Variants in PRRC2B observed in about 807,000 individuals in gnomAD.
The protein encoded by PRRC2B is protein PRRC2B.
Under a neutral mutation model 242.3 loss-of-function variants are expected in PRRC2B, and 68 were observed. The ratio of observed to expected loss-of-function variants is 0.28; its 90% confidence interval spans 0.23 to 0.34. The LOEUF (loss-of-function observed/expected upper bound fraction) is 0.34, where lower values mean the gene tolerates loss of function less well. Among genes scored for constraint, PRRC2B ranks in the 10% least tolerant of loss-of-function variants. The pLI is 1.00. For synonymous variants in PRRC2B, 1,228 were observed against 1,173.6 expected (o/e 1.05, Z -0.95); for missense variants, 2,835 against 2,954.8 (o/e 0.96, Z 0.94).
intron 1 of PRRC2B, among the ~76,000 whole-genome samples, chr9:131,423,354 C>G (rs1252394025): frequency 1.3e-5 from 2 of 152,198 alleles, no homozygotes; most frequent in African/African-American, 4.8e-5. Context: ...TTCTCCCTGC[C>G]TCCGGATAGG....
chr9:131,468,857 G>C (rs1005013627), intron 13 of PRRC2B, among the ~76,000 whole-genome samples: 1 of 152,124 alleles, frequency 6.6e-6, no homozygotes. Context: ...AGCCTTCCAG[G>C]GACCGCCTTT....
At chr9:131,495,497 C>T (rs540170715) in intron 31 of PRRC2B, among the ~76,000 whole-genome samples, 3 of 152,196 alleles carry the variant, frequency 2.0e-5, no homozygotes, top group African/African-American at 7.2e-5. Flanking sequence ...GTGGAGGACC[C>T]GGTGTCTTCC....
Position 131,464,815 on chromosome 9 carries a change from A to G in PRRC2B, c.1457A>G (p.Asp486Gly), listed in dbSNP as rs780639174. The G allele has an allele frequency of 6.2e-7, 1 of 1,613,024 alleles. No homozygotes were observed. Among genetic ancestry groups the G allele is most frequent in the Non-Finnish European group, 8.5e-7 (1 of 1,179,294 alleles). Reference sequence around the variant, plus strand: ...CAACAGTCCATCGAGGACAAGGAGGACAAGCCCCCACCAAGGCAGAAGTTC... The same window carrying G: ...CAACAGTCCATCGAGGACAAGGAGGGCAAGCCCCCACCAAGGCAGAAGTTC... ...FRQQSIEDKE[D>G]KPPPRQKFIQ... is the part of the protein sequence containing the mutation. Residue 486 changes from aspartate to glycine, a missense_variant, in exon 12 of 32, where the codon GAC becomes GGC. Asp to Gly is a moderately conservative substitution (Grantham distance 94). Transcript: ENST00000683519.
chr9:131,482,120 A>G lies in PRRC2B; in HGVS notation c.4984-251A>G, dbSNP rs554435425. On this transcript the variant is annotated intron_variant, in intron 20 of 31. Transcript: ENST00000683519. The surrounding 1 kb of genome is among the most constrained non-coding windows in gnomAD (Gnocchi z 5.2). ...GCCACGTAGTCTGGTTTGGGTCACA[A>G]GTGAGATGGGTTTGGCAGCCTCGGT... is the stretch of plus-strand genomic sequence containing the variant. 1.3e-5 allele frequency among the ~76,000 whole-genome samples: 2 copies of G among 152,282 alleles called. No homozygotes were observed. The highest frequency in any genetic ancestry group is 6.5e-5 in the Admixed American group (1 of 15,298).
At chr9:131,413,445 C>G (rs778624276) in intron 1 of PRRC2B, among the ~76,000 whole-genome samples, 9 of 152,164 alleles carry the variant, frequency 5.9e-5, no homozygotes, top group Non-Finnish European at 1.2e-4. Context: ...TAAAAATGGC[C>G]TTGCTGAGGA....
intron 1 of PRRC2B, among the ~76,000 whole-genome samples, chr9:131,420,503 T>TCTTTTCTTTTCTTTTCTTTTC (rs1465337298): frequency 1.1e-5 from 1 of 93,814 alleles, no homozygotes; most frequent in Non-Finnish European, 2.2e-5. Context: ...CTTTTTTTTT[T>TCTTTTCTTTTCTTTTCTTTTC]TTTTTTTGAG....
chr9:131,439,065 AGT>A lies in PRRC2B; in HGVS notation c.469+6_469+7del. On this transcript the variant is annotated splice_donor_5th_base_variant and intron_variant, in intron 5 of 31. Transcript: ENST00000683519. The stretch of plus-strand genomic sequence containing the variant: ...AAGCCAGTAGGACACGAAGGTGGTA[AGT>A]GCGCACGTGTGTGTGTTGTTTGGGG... 1 of 1,611,992 alleles carries A rather than the reference AGT, an allele frequency of 6.2e-7. No individual in the cohort carries two copies. The highest frequency in any genetic ancestry group is 1.1e-5 in the South Asian group (1 of 90,958).
intron 1 of PRRC2B, among the ~76,000 whole-genome samples, chr9:131,406,833 G>A (rs757594308): frequency 6.6e-6 from 1 of 151,810 alleles, no homozygotes; most frequent in Non-Finnish European, 1.5e-5. Flanking sequence ...CAAACATCAA[G>A]CTCCAGAAGT....
At chr9:131,438,298 G>A (rs1251831650) in intron 4 of PRRC2B, among the ~76,000 whole-genome samples, 1 of 152,168 alleles carries the variant, frequency 6.6e-6, no homozygotes, top group Non-Finnish European at 1.5e-5. Context: ...GACTGGTCCT[G>A]GTCCTGCTGT....
intron 1 of PRRC2B, among the ~76,000 whole-genome samples, chr9:131,406,895 A>G (rs1400497483): frequency 6.6e-6 from 1 of 152,210 alleles, no homozygotes. Flanking sequence ...TTTCTTTATA[A>G]TATCAAGAGA....
At chr9:131,438,316 C>CT (rs1838440967) in intron 4 of PRRC2B, among the ~76,000 whole-genome samples, 3 of 152,156 alleles carry the variant, frequency 2.0e-5, no homozygotes, top group Admixed American at 2.0e-4. Flanking sequence ...TGTTCTGCAT[C>CT]TGACTCAGTC....
Position 131,487,019 on chromosome 9 carries a change from C to T in PRRC2B, c.5857-148C>T, listed in dbSNP as rs1944042710. On this transcript the variant is annotated intron_variant, in intron 26 of 31. Coordinates refer to ENST00000683519, the MANE Select transcript of PRRC2B (RefSeq NM_013318.4). This position sits in a 1 kb window ranked among gnomAD's most constrained non-coding sequence, Gnocchi z 5.3. ...TTCATTATAGGCTTTATCCCAATAG[C>T]AAGGGAAGCCCAGGAATGACATGCT... 2 of 689,386 alleles carry T rather than the reference C, an allele frequency of 2.9e-6. No homozygotes were observed. The highest frequency in any genetic ancestry group is 3.3e-5 in the South Asian group (2 of 59,780). The allele number at this position is 689,386 out of a possible 1,614,324, so 42.7% of individuals were successfully genotyped here.
In PRRC2B at chr9:131,480,035, G is replaced by A. The variant is rs553257991; in HGVS notation, c.4900+642G>A. 2.0e-5 allele frequency among the ~76,000 whole-genome samples: 3 copies of A among 152,200 alleles called. No homozygotes were observed. In the South Asian group the frequency reaches 6.2e-4, roughly 32 times the overall value. ...AGGTTTAGGTGAGGCAGGGCCCTGC[G>A]CTGTTAGCCCAGAGCATGCATAGAT... is the stretch of plus-strand genomic sequence containing the variant. On this transcript the variant is annotated intron_variant, in intron 19 of 31. Coordinates refer to ENST00000683519, the MANE Select transcript of PRRC2B (RefSeq NM_013318.4).
At chr9:131,383,030 G>A (rs1055993289) in intron 1 of PRRC2B, among the ~76,000 whole-genome samples, 10 of 152,020 alleles carry the variant, frequency 6.6e-5, no homozygotes, top group East Asian at 1.9e-4. Context: ...ATGTCCTCCC[G>A]GTGCTCAGAC....
chr9:131,491,594 A>G lies in PRRC2B; in HGVS notation c.6381+14A>G. On this transcript the variant is annotated intron_variant, in intron 29 of 31. Transcript: ENST00000683519. Reference sequence around the variant, plus strand: ...ACCAGCAGAGAGGTAAGGGGACCCCATCTGCCTCTGACCCTAGGGAGGGGG... The same window carrying G: ...ACCAGCAGAGAGGTAAGGGGACCCCGTCTGCCTCTGACCCTAGGGAGGGGG... The G allele has an allele frequency of 6.2e-7, 1 of 1,602,202 alleles. No individual in the cohort carries two copies. Among genetic ancestry groups the G allele is most frequent in the Non-Finnish European group, 8.5e-7 (1 of 1,174,562 alleles).
At chr9:131,409,882 G>A (rs1228637782) in intron 1 of PRRC2B, among the ~76,000 whole-genome samples, 1 of 152,224 alleles carries the variant, frequency 6.6e-6, no homozygotes. Context: ...TACTAAATCA[G>A]ATTGTACAAT....
At chr9:131,478,649 G>GGGGGGGGGGCCCCAGGGCC in intron 18 of PRRC2B, 30 bp downstream of exon 18, 2 of 504,550 alleles carry the variant, frequency 4.0e-6, no homozygotes, top group East Asian at 5.1e-5. Flanking sequence ...GGGGCATGGG[G>GGGGGGGGGGCCCCAGGGCC]CTGGAGGGCA....
intron 9 of PRRC2B, 45 bp downstream of exon 9, chr9:131,447,849 C>A: frequency 6.3e-7 from 1 of 1,578,110 alleles, no homozygotes; most frequent in South Asian, 1.1e-5. Context: ...GGACCAAAGT[C>A]CATATGTACT....
In PRRC2B at chr9:131,467,685, G is replaced by A. The variant is rs746430327; in HGVS notation, c.1843G>A (p.Ala615Thr). The A allele has an allele frequency of 3.7e-6, 6 of 1,613,884 alleles. No homozygotes were observed. In the East Asian group the frequency reaches 1.3e-4, roughly 36 times the overall value. ...AGAGGCCAGAGAGGCTGGGTCCCCT[G>A]CACAGGAGTTCAAGTATCAGAAGTC... is the stretch of plus-strand genomic sequence containing the variant. ...EEEAREAGSP[A>T]QEFKYQKSLP... Residue 615 changes from alanine (A) to threonine (T), a missense_variant, in exon 13 of 32, where the codon GCA (alanine) becomes ACA (threonine). Around this residue, in one of 7 missense-constraint regions of PRRC2B, gnomAD observed 1,536 missense variants for 1,483.1 expected, o/e 1.04. Coordinates refer to ENST00000683519, the MANE Select transcript of PRRC2B (RefSeq NM_013318.4).
Sources: gnomAD v4.1 joint callset for allele counts (sites outside exome capture counted in the v4.1 genomes callset) on GRCh38, gnomAD v4.1.1 for gene constraint, gnomAD v4.1.1 regional missense constraint, Gnocchi (gnomAD v3.1) non-coding constraint, MANE v1.5 for transcripts, NCBI Gene and HGNC (gene_info 2026-07-23, HGNC 2026-07-21) for gene names.